The following RBMS3 variants were observed in gnomAD, a reference collection of about 807,000 sequenced individuals.
The protein encoded by RBMS3 is RNA-binding motif, single-stranded-interacting protein 3.
In RBMS3, 27 loss-of-function variants were observed where a neutral mutation model predicts 66.8. The ratio of observed to expected loss-of-function variants is 0.40; its 90% CI spans 0.30 to 0.56. The LOEUF (loss-of-function observed/expected upper bound fraction) is 0.56, where lower values mean the gene tolerates loss of function less well. RBMS3 is among the 20% of genes least tolerant of loss of function. The pLI, the probability that RBMS3 is intolerant of heterozygous loss-of-function variation, is 0.40. For synonymous variants in RBMS3, 188 were observed against 183.0 expected (o/e 1.03, Z -0.22); for missense variants, 513 against 549.5 (o/e 0.93, Z 0.66).
chr3:29,958,846 T>C (rs1241118173), intron 12 of RBMS3, among the ~76,000 whole-genome samples: 1 of 152,118 alleles, frequency 6.6e-6, no homozygotes, highest in East Asian at 1.9e-4. Context: ...CTAGAATCAG[T>C]AATTTGTGTG....
intron 4 of RBMS3, among the ~76,000 whole-genome samples, chr3:29,588,941 G>A (rs1032686946): frequency 2.0e-5 from 3 of 152,016 alleles, no homozygotes; most frequent in African/African-American, 7.2e-5. Context: ...CGAAAAAGTT[G>A]TTATTGGAAT....
At chr3:29,473,235 A>T (rs2042810584) in intron 2 of RBMS3, among the ~76,000 whole-genome samples, 1 of 152,112 alleles carries the variant, frequency 6.6e-6, no homozygotes, top group South Asian at 2.1e-4. Flanking sequence ...AGCTAGACAC[A>T]GGGTGCTGAT....
intron 7 of RBMS3, among the ~76,000 whole-genome samples, chr3:29,877,912 C>A (rs1393535386): frequency 6.6e-6 from 1 of 152,076 alleles, no homozygotes; most frequent in Admixed American, 6.6e-5. Context: ...AAAACTCTTT[C>A]TCTGGCCAAA....
chr3:29,629,400 G>T (rs1393879081), intron 4 of RBMS3, among the ~76,000 whole-genome samples: 2 of 152,022 alleles, frequency 1.3e-5, no homozygotes, highest in African/African-American at 4.8e-5. Context: ...AAACCTCTTT[G>T]CCCTGAGTAG....
intron 10 of RBMS3, among the ~76,000 whole-genome samples, chr3:29,929,138 CAAAAT>C (rs2061036402): frequency 6.6e-6 from 1 of 152,146 alleles, no homozygotes; most frequent in East Asian, 1.9e-4. Flanking sequence ...AGTTTAATGA[CAAAAT>C]AATTAAGTGT....
chr3:29,978,987 C>T (rs1029058252), intron 12 of RBMS3, among the ~76,000 whole-genome samples: 3 of 151,438 alleles, frequency 2.0e-5, no homozygotes, highest in Non-Finnish European at 4.4e-5. Context: ...AAAAGCATAT[C>T]TAGGCATGGT....
chr3:29,749,406 A>C (rs1196650175), intron 5 of RBMS3, among the ~76,000 whole-genome samples: 1 of 152,208 alleles, frequency 6.6e-6, no homozygotes, highest in Admixed American at 6.5e-5. Flanking sequence ...AAGTTTTAGT[A>C]GTGCTCTTGG....
At position 30,006,680 on chromosome 3, in the gene RBMS3, G is replaced by T. The variant is rs1699811004; in HGVS notation, c.*2818G>T. 2.6e-5 allele frequency: 4 copies of T among 151,554 alleles called. No individual in the cohort carries two copies. In the South Asian group the frequency reaches 8.3e-4, roughly 32 times the overall value. 9.4% of individuals were successfully genotyped at this position (151,554 alleles called of 1,614,324 possible). Reference sequence around the variant, plus strand: ...TTTTGTATAAATAAGGATTATCCTGGGCATAATTCATTTGAATATGAAACC... The same window carrying T: ...TTTTGTATAAATAAGGATTATCCTGTGCATAATTCATTTGAATATGAAACC... On this transcript the variant is annotated 3_prime_UTR_variant, in exon 15 of 15. Coordinates refer to ENST00000383767, the MANE Select transcript of RBMS3 (RefSeq NM_001003793.3).
intron 4 of RBMS3, among the ~76,000 whole-genome samples, chr3:29,628,573 ACTT>A (rs1355334075): frequency 9.2e-5 from 14 of 152,130 alleles, no homozygotes; most frequent in Non-Finnish European, 2.9e-5. Flanking sequence ...TGATTATTGT[ACTT>A]CTTATATGCA....
chr3:29,874,282 T>C (rs1215231980), intron 7 of RBMS3, among the ~76,000 whole-genome samples: 2 of 152,102 alleles, frequency 1.3e-5, no homozygotes, highest in Non-Finnish European at 2.9e-5. Context: ...CCACTGGAGA[T>C]AAAAATAAGG....
At chr3:29,981,118 G>A (rs1228175489) in intron 12 of RBMS3, among the ~76,000 whole-genome samples, 1 of 151,996 alleles carries the variant, frequency 6.6e-6, no homozygotes, top group Non-Finnish European at 1.5e-5. Flanking sequence ...TTGAGCAGTG[G>A]TTCATAGTTC....
intron 6 of RBMS3, among the ~76,000 whole-genome samples, chr3:29,822,648 C>T (rs1260054033): frequency 6.6e-6 from 1 of 151,912 alleles, no homozygotes; most frequent in Non-Finnish European, 1.5e-5. Flanking sequence ...CTATATAGGG[C>T]CAAAAATTCA....
At chr3:29,622,706 G>A (rs2048908829) in intron 4 of RBMS3, among the ~76,000 whole-genome samples, 1 of 152,200 alleles carries the variant, frequency 6.6e-6, no homozygotes, top group Non-Finnish European at 1.5e-5. Flanking sequence ...TAGTGATGGA[G>A]GGCACAGACT....
At chr3:29,400,275 A>G (rs894104454) in intron 1 of RBMS3, among the ~76,000 whole-genome samples, 1 of 152,110 alleles carries the variant, frequency 6.6e-6, no homozygotes, top group African/African-American at 2.4e-5. Flanking sequence ...ATGCTACAAT[A>G]TGATGAACCT....
At chr3:29,997,956 T>A (rs1194059880) in intron 14 of RBMS3, among the ~76,000 whole-genome samples, 1 of 152,084 alleles carries the variant, frequency 6.6e-6, no homozygotes, top group Non-Finnish European at 1.5e-5. Context: ...GGGTATTCAA[T>A]TAGGAAAAGA....
chr3:29,831,372 C>G (rs1401153165), intron 6 of RBMS3, among the ~76,000 whole-genome samples: 3 of 152,088 alleles, frequency 2.0e-5, no homozygotes, highest in African/African-American at 7.2e-5. Flanking sequence ...GCCCATTTAC[C>G]TCTCAGTGTT....
intron 4 of RBMS3, among the ~76,000 whole-genome samples, chr3:29,735,562 TATTC>T (rs2054341856): frequency 6.6e-6 from 1 of 152,178 alleles, no homozygotes; most frequent in South Asian, 2.1e-4. Flanking sequence ...CACTGCAAAA[TATTC>T]ATTCAATGAC....
intron 6 of RBMS3, among the ~76,000 whole-genome samples, chr3:29,789,249 C>A (rs62237101): frequency 6.6e-6 from 1 of 151,664 alleles, no homozygotes; most frequent in Non-Finnish European, 1.5e-5. Flanking sequence ...TGGTGATAGA[C>A]GTATTTATCC....
chr3:29,611,700 A>G (rs2048498389), intron 4 of RBMS3, among the ~76,000 whole-genome samples: 1 of 152,184 alleles, frequency 6.6e-6, no homozygotes, highest in East Asian at 1.9e-4. Context: ...TCAAGGTTTC[A>G]GGGTAGAAGA....
Sources: gnomAD v4.1 joint callset for allele counts (sites outside exome capture counted in the v4.1 genomes callset) on GRCh38, gnomAD v4.1.1 for gene constraint, MANE v1.5 for transcripts, NCBI Gene and HGNC (gene_info 2026-07-23, HGNC 2026-07-21) for gene names.